STEAP4: variants seen among roughly 807,000 people sequenced by gnomAD.
The protein encoded by STEAP4 is STEAP4 metalloreductase, also known as metalloreductase STEAP4.
STEAP4 carries 36 observed loss-of-function variants against 43.6 expected under a neutral mutation model. The ratio of observed to expected loss-of-function variants is 0.83; its 90% CI spans 0.63 to 1.09. The LOEUF (loss-of-function observed/expected upper bound fraction) is 1.09. Ranked by LOEUF, STEAP4 falls within the 50% of genes least tolerant of loss-of-function variation. The pLI is 0.00. For synonymous variants in STEAP4, 191 were observed against 196.7 expected (o/e 0.97, Z 0.24); for missense variants, 495 against 546.5 (o/e 0.91, Z 0.94).
chr7:88,289,271 A>G (rs770379432), intron 1 of STEAP4, among the ~76,000 whole-genome samples: 8 of 152,194 alleles, frequency 5.3e-5, no homozygotes, highest in Non-Finnish European at 1.0e-4. Context: ...AAAAAGGAAG[A>G]TGCTGAATGA....
In STEAP4 at chr7:88,282,664, A is replaced by G. The variant is rs1852640887; in HGVS notation, c.961T>C (p.Leu321=). 2 of 1,613,278 alleles carry G rather than the reference A, an allele frequency of 1.2e-6. No individual in the cohort carries two copies. The highest frequency in any genetic ancestry group is 1.7e-6 in the Non-Finnish European group (2 of 1,179,550). The change falls in exon 3 of 5, where the codon TTG becomes CTG. Residue 321 remains leucine (L), a synonymous_variant. Transcript: ENST00000380079. ...IPIRYYVRWR[L]GNLTVTQAIL... Reference sequence around the variant, plus strand: ...ACCTGGGTAACGGTTAAGTTTCCCAATCTCCATCGTACATAATATCGAATA... The same window carrying G: ...ACCTGGGTAACGGTTAAGTTTCCCAGTCTCCATCGTACATAATATCGAATA...
chr7:88,281,028 C>T lies in STEAP4; in HGVS notation c.1036G>A (p.Asp346Asn). Residue 346 changes from aspartate to asparagine, a missense_variant, in exon 4 of 5, where the codon GAT (aspartate) becomes AAT (asparagine). Asp to Asn is a conservative substitution (Grantham distance 23). Coordinates refer to ENST00000380079, the MANE Select transcript of STEAP4 (RefSeq NM_024636.4). ...AGTATTCCCAAAGCCACATATGAATCACTGAGCCAGGCTGAGGAGGTGCTA... is the reference window on the plus strand; with the variant it reads ...AGTATTCCCAAAGCCACATATGAATTACTGAGCCAGGCTGAGGAGGTGCTA... ...PFSTSSAWLS[D>N]SYVALGILGF... 6.2e-7 allele frequency: 1 copy of T among 1,613,018 alleles called. No individual in the cohort carries two copies. Among genetic ancestry groups the T allele is most frequent in the Non-Finnish European group, 8.5e-7 (1 of 1,179,610 alleles).
At chr7:88,281,346 A>G (rs1586743245) in intron 3 of STEAP4, 1 of 264,368 alleles carries the variant, frequency 3.8e-6, no homozygotes, top group East Asian at 7.2e-5. Flanking sequence ...GACAGTAAAC[A>G]CTCACTTAAA....
rs1852463065 is a variant in STEAP4, at chr7:88,273,212, A to G, written c.*6186T>C. 1.3e-5 allele frequency: 2 copies of G among 152,152 alleles called. No individual in the cohort carries two copies. The highest frequency in any genetic ancestry group is 4.8e-5 in the African/African-American group (2 of 41,424). The allele number at this position is 152,152 out of a possible 1,614,324, so 9.4% of individuals were successfully genotyped here. A position where few individuals can be genotyped will look rare whatever the true frequency, so the allele number is the denominator to read the frequency against. On this transcript the variant is annotated 3_prime_UTR_variant, in exon 5 of 5. Coordinates refer to ENST00000380079, the MANE Select transcript of STEAP4 (RefSeq NM_024636.4). The stretch of plus-strand genomic sequence containing the variant: ...AGCTATGGAACACTAAAACTTATTT[A>G]TTTTGCTGTAATGAAATGAGAACAG...
rs118052541 is a variant in STEAP4 at position 88,280,122 on chromosome 7, C to T, written c.1150-494G>A. On this transcript the variant is annotated intron_variant, in intron 4 of 4. Transcript: ENST00000380079. ...TTTTAAAGCTTATTGTTTATTTCTG[C>T]CTTAATACCTTGAACAAAACTGCTA... Among the ~76,000 whole-genome samples, 10 of 152,250 alleles carry T rather than the reference C, an allele frequency of 6.6e-5. No homozygotes were observed. The East Asian group carries it at 1.9e-3, about 29-fold the overall frequency.
At chr7:88,281,270 G>A (rs1334996607) in intron 3 of STEAP4, among the ~76,000 whole-genome samples, 191 bp from the exon 4 acceptor site, 1 of 152,136 alleles carries the variant, frequency 6.6e-6, no homozygotes, top group Admixed American at 6.5e-5. Flanking sequence ...AAAAGTAATT[G>A]GTTCTGTTTG....
intron 1 of STEAP4, among the ~76,000 whole-genome samples, chr7:88,284,679 G>C (rs1563498329): frequency 6.6e-6 from 1 of 152,050 alleles, no homozygotes; most frequent in Admixed American, 6.6e-5. Flanking sequence ...ATCAAATGGG[G>C]ATTATTCTAC....
rs970815551 is a variant in STEAP4 at position 88,274,819 on chromosome 7, T to C, written c.*4579A>G. ...GAACATATAGGGTAACTTCTGGATG[T>C]GGCCATGGAATTTGTAAACTGTCAT... On this transcript the variant is annotated 3_prime_UTR_variant, in exon 5 of 5. Transcript: ENST00000380079. 1 of 152,212 alleles carries C rather than the reference T, an allele frequency of 6.6e-6. No homozygotes were observed. Among genetic ancestry groups the C allele is most frequent in the Non-Finnish European group, 1.5e-5 (1 of 68,042 alleles). The allele number at this position is 152,212 out of a possible 1,614,324, so 9.4% of individuals were successfully genotyped here. A position where few individuals can be genotyped will look rare whatever the true frequency, so the allele number is the denominator to read the frequency against.
chr7:88,284,001 G>T lies in STEAP4; in HGVS notation c.269C>A (p.Thr90Lys). 1 of 1,614,104 alleles carries T rather than the reference G, an allele frequency of 6.2e-7. No individual in the cohort carries two copies. The highest frequency in any genetic ancestry group is 2.2e-5 in the East Asian group (1 of 44,884). Residue 90 changes from threonine (T) to lysine (K), a missense_variant, in exon 2 of 5, where the codon ACA (threonine) becomes AAA (lysine). Thr to Lys is a moderately conservative substitution (Grantham distance 78). Coordinates refer to ENST00000380079, the MANE Select transcript of STEAP4 (RefSeq NM_024636.4). Reference sequence around the variant, plus strand: ...TCCATTGAGAACCTCAGTTAATTCTGTGAGAAAATCATAATGCTCTCTGTG... The same window carrying T: ...TCCATTGAGAACCTCAGTTAATTCTTTGAGAAAATCATAATGCTCTCTGTG... ...AIHREHYDFL[T>K]ELTEVLNGKI...
rs1336232533 is a variant in STEAP4, at chr7:88,275,288, C to T, written c.*4110G>A. The T allele has an allele frequency of 6.6e-6, 1 of 152,130 alleles. No individual in the cohort carries two copies. The highest frequency in any genetic ancestry group is 2.4e-5 in the African/African-American group (1 of 41,382). 9.4% of individuals were successfully genotyped at this position (152,130 alleles called of 1,614,324 possible). Reference sequence around the variant, plus strand: ...TATATTTTTAGTAGAGATGGGGTTTCACCATGTTGGCCAGGCTGGTCTCAA... The same window carrying T: ...TATATTTTTAGTAGAGATGGGGTTTTACCATGTTGGCCAGGCTGGTCTCAA... On this transcript the variant is annotated 3_prime_UTR_variant, in exon 5 of 5. Coordinates refer to ENST00000380079, the MANE Select transcript of STEAP4 (RefSeq NM_024636.4).
Position 88,283,052 on chromosome 7 carries a change from C to CTTT in STEAP4, c.570_572dup (p.Lys191dup), listed in dbSNP as rs1852655762. On this transcript the variant is annotated inframe_insertion, in exon 3 of 5. Coordinates refer to ENST00000380079, the MANE Select transcript of STEAP4 (RefSeq NM_024636.4). Reference sequence around the variant, plus strand: ...ACATTGGAAATAGCTGCAGGGGGTACTTTTCAATTTCTTTGGCTGCCATGA... The same window carrying CTTT: ...ACATTGGAAATAGCTGCAGGGGGTACTTTTTTTCAATTTCTTTGGCTGCCATGA... 6.2e-7 allele frequency: 1 copy of CTTT among 1,613,462 alleles called. No individual in the cohort carries two copies. Among genetic ancestry groups the CTTT allele is most frequent in the Non-Finnish European group, 8.5e-7 (1 of 1,179,766 alleles).
At chr7:88,304,573 C>A (rs1156522698) in intron 1 of STEAP4, among the ~76,000 whole-genome samples, 1 of 151,976 alleles carries the variant, frequency 6.6e-6, no homozygotes, top group Non-Finnish European at 1.5e-5. Context: ...CCAGAAAAAA[C>A]TAGCTACAAA....
chr7:88,279,360 C>A lies in STEAP4; in HGVS notation c.*38G>T. 6.3e-7 allele frequency: 1 copy of A among 1,588,174 alleles called. No individual in the cohort carries two copies. Among genetic ancestry groups the A allele is most frequent in the Non-Finnish European group, 8.6e-7 (1 of 1,157,958 alleles). ...AGTTCAGAAATCCAGCTAAATTGAACTTTGTTTTAAATATTGATTTTCCAT... is the reference window on the plus strand; with the variant it reads ...AGTTCAGAAATCCAGCTAAATTGAAATTTGTTTTAAATATTGATTTTCCAT... On this transcript the variant is annotated 3_prime_UTR_variant, in exon 5 of 5. Transcript: ENST00000380079.
chr7:88,286,890 A>G (rs1366886743), intron 1 of STEAP4, among the ~76,000 whole-genome samples: 1 of 152,074 alleles, frequency 6.6e-6, no homozygotes, highest in Non-Finnish European at 1.5e-5. Flanking sequence ...CCTCCAAACA[A>G]GTTCCTTAGT....
rs899704138 is a variant in STEAP4, at chr7:88,277,919, T to A, written c.*1479A>T. 1.3e-5 allele frequency: 2 copies of A among 151,984 alleles called. No homozygotes were observed. Among genetic ancestry groups the A allele is most frequent in the Admixed American group, 1.3e-4 (2 of 15,264 alleles). The allele number at this position is 151,984 out of a possible 1,614,324, so 9.4% of individuals were successfully genotyped here. A position where few individuals can be genotyped will look rare whatever the true frequency, so the allele number is the denominator to read the frequency against. Reference sequence around the variant, plus strand: ...ACAAAGCCTTTAGAAAAACAAAGCCTTTGAAAAAGGATGTAAAATTGAATA... The same window carrying A: ...ACAAAGCCTTTAGAAAAACAAAGCCATTGAAAAAGGATGTAAAATTGAATA... On this transcript the variant is annotated 3_prime_UTR_variant, in exon 5 of 5. Coordinates refer to ENST00000380079, the MANE Select transcript of STEAP4 (RefSeq NM_024636.4).
intron 1 of STEAP4, among the ~76,000 whole-genome samples, chr7:88,301,900 A>C (rs1853042341): frequency 6.6e-6 from 1 of 152,246 alleles, no homozygotes; most frequent in Admixed American, 6.5e-5. Flanking sequence ...AAAACGAATT[A>C]GAATACAAAA....
chr7:88,281,825 T>C (rs1852625338), intron 3 of STEAP4: 1 of 152,246 alleles, frequency 6.6e-6, no homozygotes, highest in South Asian at 2.1e-4. Context: ...TTTCTAGTTA[T>C]TGAGGTCAAC....
At position 88,273,513 on chromosome 7, in the gene STEAP4, T is replaced by C. The variant is rs895016713; in HGVS notation, c.*5885A>G. On this transcript the variant is annotated 3_prime_UTR_variant, in exon 5 of 5. Coordinates refer to ENST00000380079, the MANE Select transcript of STEAP4 (RefSeq NM_024636.4). ...TGGAACTAAGCCTGGTGTGTGTGTG[T>C]GTGTGTGTGTGTAACCCTAGATTCT... The C allele has an allele frequency of 6.6e-6, 1 of 152,154 alleles. No individual in the cohort carries two copies. The highest frequency in any genetic ancestry group is 2.4e-5 in the African/African-American group (1 of 41,414). The allele number at this position is 152,154 out of a possible 1,614,324, so 9.4% of individuals were successfully genotyped here. A position where few individuals can be genotyped will look rare whatever the true frequency, so the allele number is the denominator to read the frequency against.
In STEAP4 at chr7:88,282,891, C is replaced by G. The variant is rs758443467; in HGVS notation, c.734G>C (p.Arg245Pro). The change falls in exon 3 of 5, where the codon CGT (arginine) becomes CCT (proline). Residue 245 changes from arginine to proline, a missense_variant. Arg to Pro is a moderately radical substitution (Grantham distance 103, BLOSUM62 -2). Transcript: ENST00000380079. ...TFRMAISIPN[R>P]IFPITALTLL... ...TGTAAGTGCTGTTATTGGAAAGATA[C>G]GATTTGGAATGGAAATAGCCATACG... The G allele has an allele frequency of 6.2e-7, 1 of 1,614,090 alleles. No individual in the cohort carries two copies. Among genetic ancestry groups the G allele is most frequent in the East Asian group, 2.2e-5 (1 of 44,878 alleles).
Sources: gnomAD v4.1 joint callset for allele counts (sites outside exome capture counted in the v4.1 genomes callset) on GRCh38, gnomAD v4.1.1 for gene constraint, MANE v1.5 for transcripts, NCBI Gene and HGNC (gene_info 2026-07-23, HGNC 2026-07-21) for gene names.